The following TTC9C variants were observed in gnomAD, a reference collection of about 807,000 sequenced individuals.
TTC9C encodes the protein tetratricopeptide repeat protein 9C.
A neutral mutation model predicts 22.5 loss-of-function variants in TTC9C; 15 were observed. The ratio of observed to expected loss-of-function variants is 0.67; its 90% CI spans 0.45 to 1.03. The LOEUF is 1.03. Ranked by LOEUF, TTC9C falls within the 50% of genes least tolerant of loss-of-function variation. The pLI is 0.00. For missense variants in TTC9C, 244 were observed against 214.6 expected, an observed-to-expected ratio of 1.14 and a Z score of -0.86; for synonymous variants, 92 against 86.8, an observed-to-expected ratio of 1.06 and a Z score of -0.33.
intron 1 of TTC9C, among the ~76,000 whole-genome samples, chr11:62,732,185 C>T (rs1333362625): frequency 5.3e-5 from 8 of 151,408 alleles, no homozygotes; most frequent in Non-Finnish European, 7.4e-5. Flanking sequence ...TTAGTAGAGA[C>T]GGGGTTTTAC....
chr11:62,733,098 A>C (rs1006149792), intron 1 of TTC9C: 10 of 1,261,888 alleles, frequency 7.9e-6, no homozygotes, highest in African/African-American at 1.5e-5. Context: ...ATTTAATAAT[A>C]CTATGTTTAA....
intron 1 of TTC9C, 80 bp downstream of exon 1, chr11:62,729,166 T>A: frequency 2.4e-6 from 3 of 1,261,200 alleles, no homozygotes; most frequent in Non-Finnish European, 2.2e-6. Context: ...GAAAAAACGC[T>A]GACTTTTTTT....
chr11:62,738,469 T>A lies in TTC9C; in HGVS notation c.*87T>A. 1.1e-6 allele frequency: 1 copy of A among 946,230 alleles called. No individual in the cohort carries two copies. The highest frequency in any genetic ancestry group is 1.6e-6 in the Non-Finnish European group (1 of 607,080). The allele number at this position is 946,230 out of a possible 1,614,324, so 58.6% of individuals were successfully genotyped here. A position where few individuals can be genotyped will look rare whatever the true frequency, so the allele number is the denominator to read the frequency against. On this transcript the variant is annotated 3_prime_UTR_variant, in exon 3 of 3. Coordinates refer to ENST00000316461, the MANE Select transcript of TTC9C (RefSeq NM_173810.4). The stretch of plus-strand genomic sequence containing the variant: ...AAATCTGAGCCTCAGCAAGAGAAAT[T>A]AACCCTATACCTCTGACCCAGGTGG...
At chr11:62,729,889 C>T (rs2083827158) in intron 1 of TTC9C, among the ~76,000 whole-genome samples, 1 of 151,972 alleles carries the variant, frequency 6.6e-6, no homozygotes, top group Non-Finnish European at 1.5e-5. Context: ...GTTTGCATTT[C>T]TAACAGCCTT....
At position 62,728,927 on chromosome 11, in the gene TTC9C, G is replaced by T. The variant is rs1467616410; in HGVS notation, c.79G>T (p.Ala27Ser). The T allele has an allele frequency of 1.9e-6, 3 of 1,614,064 alleles. No individual in the cohort carries two copies. The highest frequency in any genetic ancestry group is 2.7e-5 in the African/African-American group (2 of 74,926). Residue 27 changes from alanine to serine, a missense_variant, in exon 1 of 3, where the codon GCT becomes TCT. By Grantham distance (99) the Ala-to-Ser change is moderately conservative. Coordinates refer to ENST00000316461, the MANE Select transcript of TTC9C (RefSeq NM_173810.4). Reference protein sequence around the residue: ...QRYREGKYRDAVSRYHRALLQ... With the variant: ...QRYREGKYRDSVSRYHRALLQ... ...CTACCGGGAAGGGAAGTACCGAGAT[G>T]CTGTGAGTAGGTACCATCGAGCTCT...
Position 62,729,072 on chromosome 11 carries a change from A to C in TTC9C, c.224A>C (p.Tyr75Ser), listed in dbSNP as rs774371941. ...NILHTTQTDCYNNLAACLLQM... is the reference protein window; with the variant it reads ...NILHTTQTDCSNNLAACLLQM... ...TTGCATACCACCCAGACAGACTGCT[A>C]TAACAATCTAGCTGGTAAGAACGGG... The change falls in exon 1 of 3, where the codon TAT becomes TCT. Residue 75 changes from tyrosine to serine, a missense_variant. Transcript: ENST00000316461. 1.2e-6 allele frequency: 2 copies of C among 1,614,108 alleles called. No individual in the cohort carries two copies. Among genetic ancestry groups the C allele is most frequent in the Non-Finnish European group, 1.7e-6 (2 of 1,179,968 alleles).
intron 1 of TTC9C, among the ~76,000 whole-genome samples, chr11:62,730,660 G>C (rs568320159): frequency 6.6e-6 from 1 of 151,846 alleles, no homozygotes; most frequent in South Asian, 2.1e-4. Context: ...TGCAACCTCC[G>C]CCTCCCGGGT....
At chr11:62,734,472 C>T (rs1420161106) in intron 1 of TTC9C, among the ~76,000 whole-genome samples, 1 of 152,060 alleles carries the variant, frequency 6.6e-6, no homozygotes, top group East Asian at 1.9e-4. Context: ...TGGGTAATCC[C>T]AGCTACTCGG....
chr11:62,736,219 CAAAAAAAAAAAAAA>C (rs35305538), intron 2 of TTC9C: 1 of 55,026 alleles, frequency 1.8e-5, no homozygotes, highest in African/African-American at 7.3e-5. Context: ...GATTCTGTCT[CAAAAAAAAAAAAAA>C]AAAAAAAAAA....
Position 62,738,394 on chromosome 11 carries a change from G to A in TTC9C, c.*12G>A, listed in dbSNP as rs372876624. The A allele has an allele frequency of 7.6e-5, 119 of 1,575,082 alleles. No homozygotes were observed. Among genetic ancestry groups the A allele is most frequent in the Middle Eastern group, 1.7e-4 (1 of 6,026 alleles). On this transcript the variant is annotated 3_prime_UTR_variant, in exon 3 of 3. Coordinates refer to ENST00000316461, the MANE Select transcript of TTC9C (RefSeq NM_173810.4). ...GCATGTTTGGTTAACAAAGAAGAAAGATGCTCCTCCAGTTGAACTTAGGTG... is the reference window on the plus strand; with the variant it reads ...GCATGTTTGGTTAACAAAGAAGAAAAATGCTCCTCCAGTTGAACTTAGGTG...
rs1277932296 is a variant in TTC9C at position 62,735,501 on chromosome 11, C to A, written c.358C>A (p.His120Asn). 6.2e-7 allele frequency: 1 copy of A among 1,613,948 alleles called. No individual in the cohort carries two copies. Among genetic ancestry groups the A allele is most frequent in the Non-Finnish European group, 8.5e-7 (1 of 1,179,988 alleles). The change falls in exon 2 of 3, where the codon CAT (histidine) becomes AAT (asparagine). Residue 120 changes from histidine (H) to asparagine (N), a missense_variant. His to Asn is a moderately conservative substitution (Grantham distance 68). Coordinates refer to ENST00000316461, the MANE Select transcript of TTC9C (RefSeq NM_173810.4). The part of the protein sequence containing the change: ...ALYRAGVAFF[H>N]LQDYDQARHY... ...GTATCGGGCCGGAGTGGCCTTTTTC[C>A]ATCTGCAGGACTATGACCAGGCCCG...
In TTC9C at chr11:62,728,548, G is replaced by C. The variant is rs1016756105; in HGVS notation, c.-301G>C. The C allele has an allele frequency of 1.9e-6, 1 of 522,220 alleles. No individual in the cohort carries two copies. The highest frequency in any genetic ancestry group is 3.7e-6 in the Non-Finnish European group (1 of 270,710). The allele number at this position is 522,220 out of a possible 1,614,324, so 32.3% of individuals were successfully genotyped here. ...AGTAGGGCCTTGCTTGAGTTCTTCG[G>C]AAAGTCTCATCCACCCCCACATCGC... is the stretch of plus-strand genomic sequence containing the variant. On this transcript the variant is annotated 5_prime_UTR_variant, in exon 1 of 3. Coordinates refer to ENST00000316461, the MANE Select transcript of TTC9C (RefSeq NM_173810.4).
At chr11:62,728,131 G>A, upstream of TTC9C, 1 of 161,154 alleles carries the variant, frequency 6.2e-6, no homozygotes, top group Non-Finnish European at 1.4e-5. Flanking sequence ...GTGGTGTGGC[G>A]CAATGCGCGC....
At chr11:62,730,154 CA>C (rs1177001992) in intron 1 of TTC9C, among the ~76,000 whole-genome samples, 6 of 152,160 alleles carry the variant, frequency 3.9e-5, no homozygotes, top group Non-Finnish European at 8.8e-5. Context: ...CGGCTCACTG[CA>C]ACCTCCTCCT....
intron 2 of TTC9C, among the ~76,000 whole-genome samples, chr11:62,737,376 G>A (rs1249434306): frequency 6.6e-6 from 1 of 152,154 alleles, no homozygotes; most frequent in East Asian, 1.9e-4. Flanking sequence ...AAAAAGGGCA[G>A]TCCTGCTGAG....
At chr11:62,734,549 C>T (rs527716828) in intron 1 of TTC9C, among the ~76,000 whole-genome samples, 2 of 152,160 alleles carry the variant, frequency 1.3e-5, no homozygotes, top group Non-Finnish European at 2.9e-5. Context: ...CCACTGCACT[C>T]CAGCCTAGCT....
intron 2 of TTC9C, among the ~76,000 whole-genome samples, chr11:62,737,847 A>G (rs546930675): frequency 1.3e-5 from 2 of 152,284 alleles, no homozygotes; most frequent in East Asian, 3.9e-4. Flanking sequence ...CTTGGCCAAC[A>G]TGGTGAAACC....
chr11:62,738,537 T>C lies in TTC9C; in HGVS notation c.*155T>C, dbSNP rs1439570121. 5.5e-6 allele frequency: 3 copies of C among 541,618 alleles called. No homozygotes were observed. Among genetic ancestry groups the C allele is most frequent in the South Asian group, 2.5e-5 (1 of 39,662 alleles). The allele number at this position is 541,618 out of a possible 1,614,324, so 33.6% of individuals were successfully genotyped here. A position where few individuals can be genotyped will look rare whatever the true frequency, so the allele number is the denominator to read the frequency against. On this transcript the variant is annotated 3_prime_UTR_variant, in exon 3 of 3. Coordinates refer to ENST00000316461, the MANE Select transcript of TTC9C (RefSeq NM_173810.4). The stretch of plus-strand genomic sequence containing the variant: ...TGCACAAACTTCACTACTTAGACAG[T>C]CTGAGTCTTTTTCTGTCTATCCATC...
intron 2 of TTC9C, 21 bp downstream of exon 2, chr11:62,735,585 A>C: frequency 6.3e-7 from 1 of 1,585,774 alleles, no homozygotes; most frequent in East Asian, 2.3e-5. Context: ...AGGGCTTTGA[A>C]ATGGTAAAGA....
Sources: gnomAD v4.1 joint callset for allele counts (sites outside exome capture counted in the v4.1 genomes callset) on GRCh38, gnomAD v4.1.1 for gene constraint, MANE v1.5 for transcripts, NCBI Gene and HGNC (gene_info 2026-07-23, HGNC 2026-07-21) for gene names.